The following SORCS3 variants were observed in gnomAD, a reference collection of about 807,000 sequenced individuals.
SORCS3 encodes the protein sortilin related VPS10 domain containing receptor 3.
In SORCS3, 57 loss-of-function variants were observed where a neutral mutation model predicts 146.3. The ratio of observed to expected loss-of-function variants is 0.39; its 90% CI spans 0.31 to 0.49. The LOEUF (loss-of-function observed/expected upper bound fraction) is 0.49. SORCS3 is among the 20% of genes least tolerant of loss of function. The probability of loss-of-function intolerance (pLI) is 0.92; values close to 1 mark genes in which losing one functional copy is unlikely to be tolerated. For missense variants in SORCS3, 1,341 were observed against 1,575.5 expected (o/e 0.85, Z 2.52); for synonymous variants, 653 against 618.5 (o/e 1.06, Z -0.83).
At chr10:104,651,326 C>T (rs1392228592) in intron 1 of SORCS3, among the ~76,000 whole-genome samples, 1 of 152,092 alleles carries the variant, frequency 6.6e-6, no homozygotes, top group Non-Finnish European at 1.5e-5. Context: ...GTTTCACTGG[C>T]TGTAAAATGA....
intron 2 of SORCS3, among the ~76,000 whole-genome samples, chr10:104,858,906 C>A (rs796677631): frequency 6.8e-5 from 10 of 147,420 alleles, no homozygotes; most frequent in African/African-American, 2.3e-4. Flanking sequence ...CAGGTGTGAG[C>A]CACCGCACCT....
chr10:104,912,586 A>G (rs74155063), intron 2 of SORCS3, among the ~76,000 whole-genome samples: 2,619 of 152,344 alleles, frequency 0.017, 67 homozygotes, highest in African/African-American at 0.059. Context: ...ACTAGACATC[A>G]GTAGTTGGTT....
intron 4 of SORCS3, among the ~76,000 whole-genome samples, chr10:104,979,719 G>A (rs2054922011): frequency 6.6e-6 from 1 of 152,090 alleles, no homozygotes; most frequent in Non-Finnish European, 1.5e-5. Flanking sequence ...CATTTGCAGA[G>A]GAAAAGCCAC....
intron 14 of SORCS3, among the ~76,000 whole-genome samples, chr10:105,194,401 A>G (rs1160834979): frequency 6.6e-6 from 1 of 152,186 alleles, no homozygotes; most frequent in Admixed American, 6.6e-5. Context: ...CACCCACATT[A>G]TCTCACATGT....
intron 13 of SORCS3, among the ~76,000 whole-genome samples, chr10:105,174,590 T>C (rs1222306480): frequency 2.6e-5 from 4 of 152,136 alleles, no homozygotes; most frequent in African/African-American, 9.7e-5. Flanking sequence ...GAGAATAAAG[T>C]GTTAGAAATC....
At chr10:105,261,910 T>TA (rs536720220) in intron 25 of SORCS3, among the ~76,000 whole-genome samples, 147 of 152,332 alleles carry the variant, frequency 9.6e-4, no homozygotes, top group South Asian at 3.1e-3. Context: ...CTATTTATTT[T>TA]AAAAAAGCCA....
intron 5 of SORCS3, among the ~76,000 whole-genome samples, chr10:105,048,099 G>C (rs534273029): frequency 1.1e-4 from 17 of 151,928 alleles, no homozygotes; most frequent in South Asian, 8.3e-4. Flanking sequence ...CTGTAAACTA[G>C]TTCAACCATT....
At chr10:105,154,069 G>GAAAAAAAA (rs59868914) in intron 9 of SORCS3, among the ~76,000 whole-genome samples, 5 of 76,146 alleles carry the variant, frequency 6.6e-5, no homozygotes, top group Non-Finnish European at 9.7e-5. Flanking sequence ...GACTCCATCT[G>GAAAAAAAA]AAAAAAAAAA....
chr10:104,918,433 A>G (rs139452863), intron 3 of SORCS3, among the ~76,000 whole-genome samples: 200 of 152,352 alleles, frequency 1.3e-3, no homozygotes, highest in African/African-American at 4.7e-3. Context: ...CTTCTTGTAC[A>G]GTGATAGCGT....
chr10:105,121,787 G>A (rs937168056), intron 7 of SORCS3, among the ~76,000 whole-genome samples: 5 of 152,188 alleles, frequency 3.3e-5, no homozygotes, highest in Non-Finnish European at 7.3e-5. Flanking sequence ...ATACTTGGGG[G>A]ATTTACTCAA....
chr10:104,977,207 ACAGAGGCC>A, intron 3 of SORCS3, 120 bp from the exon 4 acceptor site: 1 of 611,740 alleles, frequency 1.6e-6, no homozygotes, highest in Non-Finnish European at 2.4e-6. Context: ...AGTATTTTTT[ACAGAGGCC>A]CAGATGCTCC....
chr10:104,690,180 T>C, intron 1 of SORCS3, among the ~76,000 whole-genome samples: 1 of 152,150 alleles, frequency 6.6e-6, no homozygotes, highest in Non-Finnish European at 1.5e-5. Context: ...TATGCATAGA[T>C]CTGGCCTGCA....
intron 7 of SORCS3, among the ~76,000 whole-genome samples, chr10:105,137,506 A>AC (rs200867374): frequency 3.3e-5 from 5 of 150,308 alleles, no homozygotes; most frequent in South Asian, 2.1e-4. Flanking sequence ...TAAAAAAAAA[A>AC]CCCCACCTTT....
Position 105,062,578 on chromosome 10 carries a change from C to T in SORCS3, c.1028+19450C>T, listed in dbSNP as rs2055495144. ...TGTAGTGGGAGGGTGTTGAGTATTT[C>T]AGCGGTTGGAGAGGTCAAGGTTAAA... On this transcript the variant is annotated intron_variant, in intron 5 of 26. Coordinates refer to ENST00000369701, the MANE Select transcript of SORCS3 (RefSeq NM_014978.3). Among the ~76,000 whole-genome samples the T allele has an allele frequency of 2.0e-5, 3 of 152,096 alleles. No homozygotes were observed. The South Asian group carries it at 6.2e-4, about 32-fold the overall frequency.
intron 20 of SORCS3, among the ~76,000 whole-genome samples, chr10:105,232,150 C>T (rs1056908912): frequency 1.1e-4 from 17 of 151,994 alleles, no homozygotes; most frequent in Non-Finnish European, 2.1e-4. Flanking sequence ...TAGAATTCAC[C>T]AGTAAAACCA....
intron 24 of SORCS3, among the ~76,000 whole-genome samples, chr10:105,256,157 G>A (rs907030659): frequency 2.6e-5 from 4 of 152,062 alleles, no homozygotes; most frequent in Non-Finnish European, 5.9e-5. Flanking sequence ...TCATTCATTC[G>A]ATTATCTGAT....
At chr10:104,714,381 T>C (rs1267175514) in intron 1 of SORCS3, among the ~76,000 whole-genome samples, 3 of 152,156 alleles carry the variant, frequency 2.0e-5, no homozygotes, top group Non-Finnish European at 4.4e-5. Flanking sequence ...TTTTCTAACA[T>C]ATGCACTTAA....
rs76826945 is a variant in SORCS3 at position 105,027,040 on chromosome 10, G to A, written c.955-16015G>A. Among the ~76,000 whole-genome samples, 1,343 of 152,228 alleles carry A rather than the reference G, an allele frequency of 8.8e-3. 17 individuals are homozygous for A. The highest frequency in any genetic ancestry group is 0.027 in the African/African-American group (1,130 of 41,540). On this transcript the variant is annotated intron_variant, in intron 4 of 26. Transcript: ENST00000369701. Reference sequence around the variant, plus strand: ...TGTCCAGGTAAAACCTGCCTTTGACGTGATCTTGTCCCCAGCTTTCTCTCT... The same window carrying A: ...TGTCCAGGTAAAACCTGCCTTTGACATGATCTTGTCCCCAGCTTTCTCTCT...
At chr10:105,036,993 G>A (rs2696866) in intron 4 of SORCS3, among the ~76,000 whole-genome samples, 1 of 152,038 alleles carries the variant, frequency 6.6e-6, no homozygotes, top group Non-Finnish European at 1.5e-5. Flanking sequence ...CACTTCTACC[G>A]GGGAGATACC....
Sources: gnomAD v4.1 joint callset for allele counts (sites outside exome capture counted in the v4.1 genomes callset) on GRCh38, gnomAD v4.1.1 for gene constraint, MANE v1.5 for transcripts, NCBI Gene and HGNC (gene_info 2026-07-23, HGNC 2026-07-21) for gene names.